ACADM: variants seen among roughly 807,000 people sequenced by gnomAD.
The protein encoded by ACADM is acyl-CoA dehydrogenase medium chain, also known as medium-chain specific acyl-CoA dehydrogenase, mitochondrial.
ACADM carries 49 observed loss-of-function variants against 58.9 expected under a neutral mutation model. The ratio of observed to expected loss-of-function variants is 0.83; its 90% confidence interval spans 0.66 to 1.06. The LOEUF is 1.06. ACADM is among the 50% of genes least tolerant of loss of function. ACADM has a pLI of 0.00. For synonymous variants in ACADM, 160 were observed against 157.7 expected (o/e 1.01, Z -0.11); for missense variants, 496 against 507.0 (o/e 0.98, Z 0.21).
At chr1:75,757,150 A>C (rs1648553510) in intron 10 of ACADM, among the ~76,000 whole-genome samples, 1 of 152,238 alleles carries the variant, frequency 6.6e-6, no homozygotes. Flanking sequence ...AGACATGGGC[A>C]AGGACTTCAT....
intron 5 of ACADM, chr1:75,734,499 C>T (rs544532928): frequency 2.7e-6 from 1 of 369,030 alleles, no homozygotes; most frequent in Admixed American, 3.9e-5. Flanking sequence ...TAGGCCTGAT[C>T]ATACATACTG....
At chr1:75,727,306 GTTTCTT>G (rs1429561890) in intron 1 of ACADM, among the ~76,000 whole-genome samples, 1 of 152,162 alleles carries the variant, frequency 6.6e-6, no homozygotes, top group African/African-American at 2.4e-5. Context: ...TACAAAGACA[GTTTCTT>G]TTTACGGATT....
intron 10 of ACADM, among the ~76,000 whole-genome samples, chr1:75,757,323 A>G (rs1030089346): frequency 7.9e-5 from 12 of 152,242 alleles, no homozygotes; most frequent in African/African-American, 2.9e-4. Context: ...ACAAAGGGCT[A>G]ATATCCAGAA....
Position 75,725,360 on chromosome 1 carries a change from A to G in ACADM, c.30+543A>G, listed in dbSNP as rs577600732. 9.8e-5 allele frequency among the ~76,000 whole-genome samples: 15 copies of G among 152,338 alleles called. No homozygotes were observed. In the South Asian group the frequency reaches 2.9e-3, roughly 29 times the overall value. ...CACTAGATGAATTTTGGTATCTTAA[A>G]TATTCTTGATATGTTCACACCACTG... On this transcript the variant is annotated intron_variant, in intron 1 of 11. Coordinates refer to ENST00000370841, the MANE Select transcript of ACADM (RefSeq NM_000016.6).
chr1:75,738,198 G>A (rs967634784), intron 6 of ACADM, among the ~76,000 whole-genome samples: 2 of 150,544 alleles, frequency 1.3e-5, no homozygotes, highest in Non-Finnish European at 2.9e-5. Context: ...TTACAGGTGT[G>A]AGCCACCATG....
intron 6 of ACADM, among the ~76,000 whole-genome samples, chr1:75,735,997 A>G (rs1250589036): frequency 3.9e-5 from 6 of 152,146 alleles, no homozygotes; most frequent in Non-Finnish European, 7.4e-5. Context: ...ATAAATAAAT[A>G]AATGAATAAA....
chr1:75,736,165 C>CAT, intron 6 of ACADM, among the ~76,000 whole-genome samples: 3 of 93,698 alleles, frequency 3.2e-5, no homozygotes, highest in Non-Finnish European at 6.4e-5. Context: ...TAAATACACA[C>CAT]ACAGACATAC....
chr1:75,750,842 G>A (rs969677699), intron 10 of ACADM: 2 of 418,674 alleles, frequency 4.8e-6, no homozygotes, highest in South Asian at 2.2e-5. Flanking sequence ...TCCGCCTCCC[G>A]AGTTCGAGTA....
intron 1 of ACADM, 137 bp downstream of exon 1, chr1:75,724,954 C>A: frequency 1.3e-6 from 1 of 794,874 alleles, no homozygotes; most frequent in East Asian, 3.2e-5. Context: ...CTAGGGGCCC[C>A]CAACCTGCTT....
rs780279673 is a variant in ACADM at position 75,761,158 on chromosome 1, AT to A, written c.983del (p.Met328ArgfsTer5). The A allele has an allele frequency of 6.2e-7, 1 of 1,614,094 alleles. No individual in the cohort carries two copies. The highest frequency in any genetic ancestry group is 8.5e-7 in the Non-Finnish European group (1 of 1,179,932). On this transcript the variant is annotated frameshift_variant, in exon 11 of 12. Coordinates refer to ENST00000370841, the MANE Select transcript of ACADM (RefSeq NM_000016.6). LOFTEE classifies it high-confidence loss of function. ...AISFMLAEMAMKVELARMSYQ... is the reference protein window; with the variant it reads ...AISFMLAEMAXKVELARMSYQ... ...ATCATTTATGCTGGCTGAAATGGCA[AT>A]GAAAGTTGAACTAGCTAGAATGAGT...
chr1:75,728,521 C>G, intron 2 of ACADM, 33 bp downstream of exon 2: 1 of 1,457,676 alleles, frequency 6.9e-7, no homozygotes, highest in African/African-American at 1.5e-5. Flanking sequence ...TGACTTTAAA[C>G]TTATACATAT....
intron 10 of ACADM, among the ~76,000 whole-genome samples, chr1:75,760,264 C>CAA (rs764807575): frequency 0.26 from 13,101 of 51,074 alleles, 1,855 homozygotes; most frequent in East Asian, 0.65. Flanking sequence ...ACTAAAAATA[C>CAA]AAAAAAAAAA....
intron 1 of ACADM, among the ~76,000 whole-genome samples, chr1:75,726,197 C>G (rs1326028144): frequency 6.6e-6 from 1 of 152,114 alleles, no homozygotes; most frequent in African/African-American, 2.4e-5. Flanking sequence ...CACTTAAGGC[C>G]AGGAGTTCGA....
intron 1 of ACADM, among the ~76,000 whole-genome samples, 195 bp downstream of exon 1, chr1:75,725,012 C>T (rs1647026993): frequency 6.6e-6 from 1 of 152,096 alleles, no homozygotes; most frequent in Non-Finnish European, 1.5e-5. Flanking sequence ...TTTCATTTTC[C>T]GTATCCTCCC....
At chr1:75,745,960 A>G (rs761830265) in intron 8 of ACADM, 46 bp downstream of exon 8, 2 of 1,361,758 alleles carry the variant, frequency 1.5e-6, no homozygotes, top group South Asian at 2.4e-5. Flanking sequence ...TATTTTAATT[A>G]TAAATTGCAA....
intron 10 of ACADM, among the ~76,000 whole-genome samples, chr1:75,752,627 A>T (rs1490062016): frequency 6.6e-6 from 1 of 152,066 alleles, no homozygotes; most frequent in Non-Finnish European, 1.5e-5. Context: ...TCCAGAAGTT[A>T]TATTTGGTTT....
chr1:75,743,071 C>T lies in ACADM; in HGVS notation c.600-2735C>T, dbSNP rs1418099403. 2.0e-5 allele frequency among the ~76,000 whole-genome samples: 3 copies of T among 152,122 alleles called. No individual in the cohort carries two copies. In the South Asian group the frequency reaches 6.2e-4, roughly 32 times the overall value. The stretch of plus-strand genomic sequence containing the variant: ...AAGATAGGAACTTAATCACATGGTC[C>T]TCGGGGGTTTCTCTATAGTATACCA... On this transcript the variant is annotated intron_variant, in intron 7 of 11. Transcript: ENST00000370841.
chr1:75,734,908 A>G (rs762242236), intron 6 of ACADM, 37 bp downstream of exon 6: 1 of 1,484,034 alleles, frequency 6.7e-7, no homozygotes, highest in South Asian at 1.1e-5. Context: ...TTCACACTTA[A>G]GAAGGGAACA....
At chr1:75,740,851 A>G (rs955817027) in intron 7 of ACADM, among the ~76,000 whole-genome samples, 2 of 152,218 alleles carry the variant, frequency 1.3e-5, no homozygotes, top group Non-Finnish European at 2.9e-5. Flanking sequence ...TAAATCTAGA[A>G]GCATGTAAGT....
Sources: allele counts gnomAD v4.1 joint callset (sites outside exome capture counted in the v4.1 genomes callset), GRCh38; gene constraint gnomAD v4.1.1; transcripts MANE v1.5; gene names NCBI Gene and HGNC (gene_info 2026-07-23, HGNC 2026-07-21).